PARD3B: variants seen among roughly 807,000 people sequenced by gnomAD.
The protein encoded by PARD3B is partitioning defective 3 homolog B.
In PARD3B, 103 loss-of-function variants were observed where a neutral mutation model predicts 130.2. That is an observed-to-expected ratio of 0.79 (90% CI 0.67 to 0.93). The LOEUF (loss-of-function observed/expected upper bound fraction) is 0.93, where lower values mean the gene tolerates loss of function less well. Ranked by LOEUF, PARD3B falls within the 40% of genes least tolerant of loss-of-function variation. The pLI is 0.00. For missense variants in PARD3B, 1,609 were observed against 1,499.2 expected (o/e 1.07, Z -1.21); for synonymous variants, 583 against 553.2 (o/e 1.05, Z -0.76).
chr2:205,184,670 AG>A (rs1317350305), intron 13 of PARD3B, among the ~76,000 whole-genome samples: 1 of 152,044 alleles, frequency 6.6e-6, no homozygotes, highest in African/African-American at 2.4e-5. Flanking sequence ...TGAACCCAGG[AG>A]GCAGAGCTTG....
rs1438983141 is a variant in PARD3B, at chr2:205,142,280, G to A, written c.1435-16442G>A. 2.0e-5 allele frequency among the ~76,000 whole-genome samples: 3 copies of A among 152,130 alleles called. No homozygotes were observed. The highest frequency in any genetic ancestry group is 4.4e-5 in the Non-Finnish European group (3 of 68,016). ...AATCCCATTTAAATAGTTAAAGAAG[G>A]TATATGTAACATTTGATTAATTCCA... is the stretch of plus-strand genomic sequence containing the variant. On this transcript the variant is annotated intron_variant, in intron 10 of 22. Transcript: ENST00000406610. The surrounding 1 kb of genome is among the most constrained non-coding windows in gnomAD (Gnocchi z 4.3).
intron 2 of PARD3B, among the ~76,000 whole-genome samples, chr2:204,870,339 ATG>A (rs1467326948): frequency 2.0e-5 from 3 of 152,212 alleles, no homozygotes; most frequent in African/African-American, 7.2e-5. Flanking sequence ...AGTTAAAAAA[ATG>A]ATGTTAATTA....
At chr2:205,358,480 G>T (rs1003634066) in intron 18 of PARD3B, among the ~76,000 whole-genome samples, 3 of 152,344 alleles carry the variant, frequency 2.0e-5, no homozygotes, top group East Asian at 3.9e-4. Context: ...CATTGATAGG[G>T]AAGATGGCAG....
At position 205,068,461 on chromosome 2, in the gene PARD3B, A is replaced by G. The variant is rs185494239; in HGVS notation, c.504+20771A>G. Among the ~76,000 whole-genome samples, 13 of 152,252 alleles carry G rather than the reference A, an allele frequency of 8.5e-5. No homozygotes were observed. The East Asian group carries it at 2.5e-3, about 29-fold the overall frequency. ...TAGTTTAAAAAATTGTTTTTAAGGA[A>G]ACAGCTTTTGATTTAGTTAATACCC... On this transcript the variant is annotated intron_variant, in intron 4 of 22. Transcript: ENST00000406610.
intron 3 of PARD3B, among the ~76,000 whole-genome samples, chr2:205,018,197 A>T (rs918249215): frequency 6.6e-6 from 1 of 152,158 alleles, no homozygotes; most frequent in Admixed American, 6.6e-5. Flanking sequence ...CAGATCATTA[A>T]ATCTGGAAAG....
chr2:205,220,423 A>G (rs565392819), intron 15 of PARD3B, among the ~76,000 whole-genome samples: 2 of 152,148 alleles, frequency 1.3e-5, no homozygotes, highest in South Asian at 2.1e-4. Flanking sequence ...CCAATTTCCT[A>G]TACATTTCCA....
At chr2:204,699,269 G>C (rs1400796064) in intron 2 of PARD3B, among the ~76,000 whole-genome samples, 1 of 152,068 alleles carries the variant, frequency 6.6e-6, no homozygotes, top group African/African-American at 2.4e-5. Context: ...CTTGTTCACC[G>C]AGGAAGTGGG....
intron 2 of PARD3B, among the ~76,000 whole-genome samples, chr2:204,836,488 C>T (rs1223924910): frequency 6.6e-6 from 1 of 152,048 alleles, no homozygotes; most frequent in Non-Finnish European, 1.5e-5. Context: ...CATGGCAAAA[C>T]CCCGTCTCTA....
In PARD3B at chr2:205,589,850, C is replaced by G. The variant is rs888222154; in HGVS notation, c.3261-25606C>G. On this transcript the variant is annotated intron_variant, in intron 22 of 22. Transcript: ENST00000406610. The surrounding 1 kb of genome is among the most constrained non-coding windows in gnomAD (Gnocchi z 4.1). The stretch of plus-strand genomic sequence containing the variant: ...ACACCCTCCTACACTCCATGCCTCT[C>G]CTATTTCCCTGTCCACTAACATCTT... 1.3e-5 allele frequency among the ~76,000 whole-genome samples: 2 copies of G among 152,150 alleles called. No individual in the cohort carries two copies. The highest frequency in any genetic ancestry group is 4.8e-5 in the African/African-American group (2 of 41,428).
chr2:205,301,503 C>G lies in PARD3B; in HGVS notation c.2432C>G (p.Ala811Gly). The G allele has an allele frequency of 1.9e-6, 3 of 1,613,802 alleles. No individual in the cohort carries two copies. The highest frequency in any genetic ancestry group is 1.3e-5 in the African/African-American group (1 of 74,906). The part of the protein sequence containing the change: ...SDKSSHSGQG[A>G]LNCESAPQGN... ...AAGAGCTCTCACTCTGGCCAAGGAG[C>G]TCTGAATTGTGAGTCTGCCCCTCAG... The change falls in exon 18 of 23, where the codon GCT becomes GGT. Residue 811 changes from alanine (A) to glycine (G), a missense_variant. Coordinates refer to ENST00000406610, the MANE Select transcript of PARD3B (RefSeq NM_001302769.2). The surrounding 1 kb of genome is among the most constrained non-coding windows in gnomAD (Gnocchi z 5.2).
chr2:204,965,952 A>G (rs1042391782), intron 3 of PARD3B, among the ~76,000 whole-genome samples: 4 of 152,160 alleles, frequency 2.6e-5, no homozygotes, highest in Non-Finnish European at 5.9e-5. Flanking sequence ...ATTTAGCTCA[A>G]TTTAACTGCA....
chr2:205,068,027 C>T (rs1700496212), intron 4 of PARD3B, among the ~76,000 whole-genome samples: 1 of 152,188 alleles, frequency 6.6e-6, no homozygotes, highest in Non-Finnish European at 1.5e-5. Context: ...ACATGCCCTA[C>T]ATAAGCCTCA....
At chr2:205,124,830 A>T (rs1019014095) in intron 9 of PARD3B, among the ~76,000 whole-genome samples, 2 of 152,208 alleles carry the variant, frequency 1.3e-5, no homozygotes, top group African/African-American at 4.8e-5. Context: ...AGTCTTTTCA[A>T]ACTTGGCCAG....
At chr2:205,006,607 C>CT (rs925538800) in intron 3 of PARD3B, among the ~76,000 whole-genome samples, 4 of 151,994 alleles carry the variant, frequency 2.6e-5, no homozygotes, top group African/African-American at 7.2e-5. Context: ...GTTTGTATAT[C>CT]TTTTTTTGAG....
chr2:205,033,522 A>G (rs1042571398), intron 3 of PARD3B, among the ~76,000 whole-genome samples: 1 of 152,142 alleles, frequency 6.6e-6, no homozygotes, highest in Non-Finnish European at 1.5e-5. Context: ...CAGTTGTTCC[A>G]CTAGTCATTT....
chr2:204,640,057 C>T (rs577030525), intron 1 of PARD3B, among the ~76,000 whole-genome samples: 1 of 152,018 alleles, frequency 6.6e-6, no homozygotes, highest in Non-Finnish European at 1.5e-5. Context: ...AGTTCGAGAC[C>T]AGCCTGGGCA....
chr2:205,082,623 CA>C (rs568990313), intron 4 of PARD3B, among the ~76,000 whole-genome samples: 9 of 149,992 alleles, frequency 6.0e-5, no homozygotes, highest in South Asian at 2.1e-4. Context: ...TTCATCTTTT[CA>C]AAAAAAAATC....
chr2:205,393,460 G>A (rs77483435), intron 18 of PARD3B, among the ~76,000 whole-genome samples: 28 of 152,272 alleles, frequency 1.8e-4, no homozygotes, highest in Non-Finnish European at 3.7e-4. Context: ...TAATAGTAGC[G>A]ATGACTAGAT....
intron 15 of PARD3B, among the ~76,000 whole-genome samples, chr2:205,240,983 G>T (rs920894759): frequency 1.2e-4 from 19 of 152,086 alleles, no homozygotes; most frequent in Non-Finnish European, 2.6e-4. Flanking sequence ...CTTTTTCATA[G>T]ATTTTTTCCC....
Sources: allele counts gnomAD v4.1 joint callset (sites outside exome capture counted in the v4.1 genomes callset), GRCh38; gene constraint gnomAD v4.1.1; non-coding constraint Gnocchi (gnomAD v3.1); transcripts MANE v1.5; gene names NCBI Gene and HGNC (gene_info 2026-07-23, HGNC 2026-07-21).